FOXP1: variants seen among roughly 807,000 people sequenced by gnomAD.
The protein encoded by FOXP1 is forkhead box P1.
FOXP1 carries 15 observed loss-of-function variants against 98.2 expected under a neutral mutation model. That is an observed-to-expected ratio of 0.15 (90% confidence interval 0.10 to 0.24). FOXP1 has a LOEUF of 0.24. Ranked by LOEUF, FOXP1 falls within the 10% of genes least tolerant of loss-of-function variation. The probability of loss-of-function intolerance (pLI) is 1.00; values close to 1 mark genes in which losing one functional copy is unlikely to be tolerated. For missense variants in FOXP1, 633 were observed against 848.5 expected, an observed-to-expected ratio of 0.75 and a Z score of 3.15; for synonymous variants, 371 against 314.5, an observed-to-expected ratio of 1.18 and a Z score of -1.90.
chr3:71,272,002 A>G (rs377410871), intron 5 of FOXP1, among the ~76,000 whole-genome samples: 1 of 152,210 alleles, frequency 6.6e-6, no homozygotes, highest in Admixed American at 6.5e-5. Context: ...AAAGCTTAAG[A>G]GTCTCACTGG....
intron 2 of FOXP1, among the ~76,000 whole-genome samples, chr3:71,551,819 T>C (rs1002694851): frequency 7.2e-5 from 11 of 152,192 alleles, no homozygotes; most frequent in African/African-American, 2.4e-4. Context: ...TCTAGTATAA[T>C]TCACATGGAA....
intron 5 of FOXP1, among the ~76,000 whole-genome samples, chr3:71,268,020 A>C (rs1439590543): frequency 6.7e-6 from 1 of 148,924 alleles, no homozygotes; most frequent in East Asian, 2.0e-4. Context: ...TCCGTCTCAA[A>C]AAAAAAAAAA....
intron 2 of FOXP1, among the ~76,000 whole-genome samples, chr3:71,540,124 C>T (rs750399216): frequency 2.0e-5 from 3 of 152,194 alleles, no homozygotes; most frequent in African/African-American, 4.8e-5. Flanking sequence ...ATATTACTGA[C>T]GATAATGAGG....
chr3:71,365,905 A>C (rs1171851825), intron 3 of FOXP1, among the ~76,000 whole-genome samples: 1 of 152,078 alleles, frequency 6.6e-6, no homozygotes, highest in East Asian at 1.9e-4. Context: ...ATTGCTTGAA[A>C]CTGGGAGGCA....
At chr3:71,149,127 C>A (rs769044195) in intron 6 of FOXP1, among the ~76,000 whole-genome samples, 5 of 152,166 alleles carry the variant, frequency 3.3e-5, no homozygotes, top group African/African-American at 4.8e-5. Flanking sequence ...ACACAGACAG[C>A]CTCTACTCTT....
intron 5 of FOXP1, among the ~76,000 whole-genome samples, chr3:71,247,151 C>G (rs72953363): frequency 0.11 from 16,823 of 152,082 alleles, 1,048 homozygotes; most frequent in South Asian, 0.27. Flanking sequence ...AACATTCAAA[C>G]TTATAATTTT....
rs1220517165 is a variant in FOXP1, at chr3:70,966,002, G to T, written c.1777C>A (p.Pro593Thr). 1 of 1,614,134 alleles carries T rather than the reference G, an allele frequency of 6.2e-7. No individual in the cohort carries two copies. Among genetic ancestry groups the T allele is most frequent in the East Asian group, 2.2e-5 (1 of 44,876 alleles). Residue 593 changes from proline (P) to threonine (T), a missense_variant, in exon 20 of 21, where the codon CCC (proline) becomes ACC (threonine). Physicochemically the swap from Pro to Thr is conservative, Grantham distance 38. Transcript: ENST00000649528. ...PLYTTASMGNPTLGNLASAIR... is the reference protein window; with the variant it reads ...PLYTTASMGNTTLGNLASAIR... ...GCGCTGGCTAAGTTGCCCAGAGTGG[G>T]ATTTCCCATGGAAGCGGTAGTGTAT...
At chr3:71,577,635 T>C (rs999259109) in intron 2 of FOXP1, among the ~76,000 whole-genome samples, 3 of 152,122 alleles carry the variant, frequency 2.0e-5, no homozygotes, top group East Asian at 1.9e-4. Flanking sequence ...TTGGATAGCA[T>C]ATGTATAGCA....
intron 3 of FOXP1, among the ~76,000 whole-genome samples, chr3:71,463,937 T>C (rs1458656642): frequency 6.6e-6 from 1 of 152,154 alleles, no homozygotes; most frequent in Non-Finnish European, 1.5e-5. Context: ...TATACATTTC[T>C]GCAAAGGCTG....
intron 13 of FOXP1, among the ~76,000 whole-genome samples, chr3:70,999,449 A>G (rs975380677): frequency 3.3e-5 from 5 of 152,204 alleles, no homozygotes; most frequent in African/African-American, 1.2e-4. Flanking sequence ...GGTGGGTTAC[A>G]TCTACTACTG....
chr3:71,519,875 A>T (rs1287473774), intron 2 of FOXP1, among the ~76,000 whole-genome samples: 3 of 152,240 alleles, frequency 2.0e-5, no homozygotes, highest in African/African-American at 7.2e-5. Context: ...GCTTTCCCAT[A>T]AATGTGGGGG....
intron 7 of FOXP1, among the ~76,000 whole-genome samples, chr3:71,086,146 C>A (rs544736231): frequency 1.3e-5 from 2 of 152,312 alleles, no homozygotes; most frequent in South Asian, 4.1e-4. Context: ...GATGACATGG[C>A]TGAAAATTCT....
chr3:71,229,870 T>G (rs1295460973), intron 5 of FOXP1, among the ~76,000 whole-genome samples: 1 of 152,132 alleles, frequency 6.6e-6, no homozygotes, highest in Non-Finnish European at 1.5e-5. Flanking sequence ...CCCATTCTGT[T>G]CAGTTCTGGA....
intron 7 of FOXP1, among the ~76,000 whole-genome samples, chr3:71,070,451 G>A (rs2053078102): frequency 6.6e-6 from 1 of 152,144 alleles, no homozygotes; most frequent in African/African-American, 2.4e-5. Flanking sequence ...AAGGTTTCAC[G>A]ATACAGTATA....
At chr3:71,172,452 A>G (rs1189472805) in intron 6 of FOXP1, among the ~76,000 whole-genome samples, 1 of 152,228 alleles carries the variant, frequency 6.6e-6, no homozygotes, top group Non-Finnish European at 1.5e-5. Flanking sequence ...TAATGGTGAC[A>G]CCTACATTTA....
intron 5 of FOXP1, among the ~76,000 whole-genome samples, chr3:71,263,989 A>C (rs970551559): frequency 1.3e-5 from 2 of 151,968 alleles, no homozygotes; most frequent in Admixed American, 6.6e-5. Context: ...GGCTTCAAGC[A>C]ATCCTTCTGC....
At chr3:71,579,632 C>CTTTTTTTTTTTTTTTT (rs35646548) in intron 2 of FOXP1, among the ~76,000 whole-genome samples, 101 of 122,940 alleles carry the variant, frequency 8.2e-4, no homozygotes, top group East Asian at 2.3e-3. Context: ...TTTCTTTTTT[C>CTTTTTTTTTTTTTTTT]TTTTTTTTTT....
chr3:70,957,595 T>G lies in FOXP1; in HGVS notation c.*1652A>C. The stretch of plus-strand genomic sequence containing the variant: ...CTCGAACTAAAAAAAACTACAGTCC[T>G]ATATAAATAAATGACAGGAAAGTGG... On this transcript the variant is annotated 3_prime_UTR_variant, in exon 21 of 21. Coordinates refer to ENST00000649528, the MANE Select transcript of FOXP1 (RefSeq NM_001349338.3). The G allele has an allele frequency of 4.3e-6, 1 of 232,764 alleles. No homozygotes were observed. The highest frequency in any genetic ancestry group is 8.5e-6 in the Non-Finnish European group (1 of 117,538). The allele number at this position is 232,764 out of a possible 1,614,324, so 14.4% of individuals were successfully genotyped here. A position where few individuals can be genotyped will look rare whatever the true frequency, so the allele number is the denominator to read the frequency against.
chr3:71,268,001 A>G (rs1033775149), intron 5 of FOXP1, among the ~76,000 whole-genome samples: 23 of 144,610 alleles, frequency 1.6e-4, no homozygotes, highest in Non-Finnish European at 3.0e-4. Context: ...CTGGGCGACA[A>G]AGCGAGACTC....
Sources: gnomAD v4.1 joint callset for allele counts (sites outside exome capture counted in the v4.1 genomes callset) on GRCh38, gnomAD v4.1.1 for gene constraint, MANE v1.5 for transcripts, NCBI Gene and HGNC (gene_info 2026-07-23, HGNC 2026-07-21) for gene names.